Variants in SPPL3 observed in about 807,000 individuals in gnomAD.
SPPL3 encodes the protein signal peptide peptidase like 3.
In SPPL3, 5 loss-of-function variants were observed where a neutral mutation model predicts 42.4. The observed-to-expected ratio is 0.12, with a 90% CI of 0.06 to 0.25. The LOEUF (loss-of-function observed/expected upper bound fraction) is 0.25. Among genes scored for constraint, SPPL3 ranks in the 10% least tolerant of loss-of-function variants. SPPL3 has a pLI of 1.00. For synonymous variants in SPPL3, 195 were observed against 181.8 expected, an observed-to-expected ratio of 1.07 and a Z score of -0.58; for missense variants, 235 against 489.0, an observed-to-expected ratio of 0.48 and a Z score of 4.90.
chr12:120,813,768 C>T (rs573823326), intron 1 of SPPL3, among the ~76,000 whole-genome samples: 16 of 152,230 alleles, frequency 1.1e-4, no homozygotes, highest in African/African-American at 2.9e-4. Flanking sequence ...AGTAACTCAA[C>T]CCATCAGAAA....
At chr12:120,819,371 T>A (rs1356724056) in intron 1 of SPPL3, among the ~76,000 whole-genome samples, 1 of 152,216 alleles carries the variant, frequency 6.6e-6, no homozygotes. Context: ...CCAGATGTTG[T>A]CTCTTTTCAT....
chr12:120,904,290 A>AGGCGGC lies in SPPL3; in HGVS notation c.-429_-424dup, dbSNP rs1329154882. 2 of 159,872 alleles carry AGGCGGC rather than the reference A, an allele frequency of 1.3e-5. No individual in the cohort carries two copies. Among genetic ancestry groups the AGGCGGC allele is most frequent in the Non-Finnish European group, 2.6e-5 (2 of 76,394 alleles). The allele number at this position is 159,872 out of a possible 1,614,324, so 9.9% of individuals were successfully genotyped here. A position where few individuals can be genotyped will look rare whatever the true frequency, so the allele number is the denominator to read the frequency against. ...GCCGGGGGACATGGCCGGCGGGCGGAGGCGGCGGCGACTGAGGGGGGCGCT... is the reference window on the plus strand; with the variant it reads ...GCCGGGGGACATGGCCGGCGGGCGGAGGCGGCGGCGGCGGCGACTGAGGGGGGCGCT... On this transcript the variant is annotated 5_prime_UTR_variant, in exon 1 of 11. Transcript: ENST00000353487.
intron 1 of SPPL3, among the ~76,000 whole-genome samples, chr12:120,872,754 G>A (rs889081130): frequency 5.9e-5 from 9 of 152,120 alleles, no homozygotes; most frequent in South Asian, 4.1e-4. Flanking sequence ...AAAAAAGCAC[G>A]GGGCCTTAGA....
At chr12:120,888,102 G>A (rs984927389) in intron 1 of SPPL3, among the ~76,000 whole-genome samples, 29 of 152,172 alleles carry the variant, frequency 1.9e-4, no homozygotes, top group African/African-American at 6.8e-4. Context: ...TTTAGACAGA[G>A]TCTTGCTCTG....
chr12:120,874,494 A>C (rs938754808), intron 1 of SPPL3, among the ~76,000 whole-genome samples: 2 of 151,944 alleles, frequency 1.3e-5, no homozygotes, highest in Non-Finnish European at 2.9e-5. Flanking sequence ...AAGTGAGTAA[A>C]TGTAAAAGAC....
At chr12:120,852,362 AAATATATGTATATAT>A (rs1872259075) in intron 1 of SPPL3, among the ~76,000 whole-genome samples, 1 of 64,108 alleles carries the variant, frequency 1.6e-5, no homozygotes, top group Admixed American at 1.4e-4. Flanking sequence ...TACATATATG[AAATATATGTATATAT>A]AATATACATA....
At chr12:120,774,422 C>A (rs1278976638) in intron 6 of SPPL3, among the ~76,000 whole-genome samples, 2 of 152,216 alleles carry the variant, frequency 1.3e-5, no homozygotes, top group African/African-American at 4.8e-5. Context: ...ACAACCTCCA[C>A]AGAGTGGAGC....
At chr12:120,775,487 G>T (rs1592956014) in intron 6 of SPPL3, among the ~76,000 whole-genome samples, 1 of 152,168 alleles carries the variant, frequency 6.6e-6, no homozygotes, top group East Asian at 1.9e-4. Context: ...TCAATTGTTA[G>T]ATTTCTGGCC....
intron 1 of SPPL3, among the ~76,000 whole-genome samples, chr12:120,831,883 G>A (rs1871437369): frequency 6.6e-6 from 1 of 152,102 alleles, no homozygotes; most frequent in Non-Finnish European, 1.5e-5. Flanking sequence ...TGTTCTAAAG[G>A]GAGAGCCAGT....
chr12:120,776,987 TTTCA>T (rs1869343278), intron 6 of SPPL3, among the ~76,000 whole-genome samples: 1 of 152,224 alleles, frequency 6.6e-6, no homozygotes, highest in Non-Finnish European at 1.5e-5. Flanking sequence ...CACCTGGTGC[TTTCA>T]TTGTCTCATT....
At chr12:120,826,684 G>C (rs1871240324) in intron 1 of SPPL3, among the ~76,000 whole-genome samples, 1 of 152,104 alleles carries the variant, frequency 6.6e-6, no homozygotes, top group Non-Finnish European at 1.5e-5. Flanking sequence ...TCGTTTTTCA[G>C]AAGTATATAC....
At chr12:120,766,193 G>A (rs1256047413) in intron 10 of SPPL3, 70 bp downstream of exon 10, 14 of 1,278,600 alleles carry the variant, frequency 1.1e-5, no homozygotes, top group Non-Finnish European at 1.4e-5. Context: ...CCTCCAGCGA[G>A]GAGAGTGCAA....
intron 1 of SPPL3, among the ~76,000 whole-genome samples, chr12:120,886,099 T>TTG: frequency 6.7e-6 from 1 of 149,868 alleles, no homozygotes; most frequent in East Asian, 2.0e-4. Flanking sequence ...TGTCTCAGCC[T>TTG]CCCCAAGTGC....
intron 3 of SPPL3, among the ~76,000 whole-genome samples, chr12:120,785,183 G>C (rs1051249969): frequency 7.2e-5 from 11 of 151,968 alleles, no homozygotes; most frequent in African/African-American, 2.7e-4. Flanking sequence ...GTGGAAGGAT[G>C]GCTTGGGACC....
At position 120,903,841 on chromosome 12, in the gene SPPL3, T is replaced by C; in HGVS notation, c.23+4A>G. On this transcript the variant is annotated splice_donor_region_variant and intron_variant, in intron 1 of 10. Coordinates refer to ENST00000353487, the MANE Select transcript of SPPL3 (RefSeq NM_139015.5). Reference sequence around the variant, plus strand: ...CTCCCGGCCTCCCGGAGCCCCGCACTCACCACGAGTAGGTCTGCTCCGCCA... The same window carrying C: ...CTCCCGGCCTCCCGGAGCCCCGCACCCACCACGAGTAGGTCTGCTCCGCCA... 6.9e-7 allele frequency: 1 copy of C among 1,440,950 alleles called. No individual in the cohort carries two copies. The highest frequency in any genetic ancestry group is 1.5e-5 in the African/African-American group (1 of 65,996). The allele number at this position is 1,440,950 out of a possible 1,614,324, so 89.3% of individuals were successfully genotyped here.
chr12:120,902,021 G>A (rs1384926698), intron 1 of SPPL3: 8 of 669,762 alleles, frequency 1.2e-5, no homozygotes, highest in Admixed American at 6.3e-5. Context: ...GCCAGAGTAT[G>A]AGAAGCTCAA....
At chr12:120,841,403 G>A (rs1439383404) in intron 1 of SPPL3, among the ~76,000 whole-genome samples, 2 of 147,802 alleles carry the variant, frequency 1.4e-5, no homozygotes, top group African/African-American at 2.6e-5. Context: ...TTCTTTGCTA[G>A]TGTACTTTTA....
chr12:120,822,650 A>T (rs1871107828), intron 1 of SPPL3, among the ~76,000 whole-genome samples: 1 of 152,176 alleles, frequency 6.6e-6, no homozygotes, highest in African/African-American at 2.4e-5. Flanking sequence ...GGATGATGAA[A>T]AAATTGAAGA....
intron 1 of SPPL3, among the ~76,000 whole-genome samples, chr12:120,826,673 C>A (rs917257931): frequency 6.6e-6 from 1 of 152,106 alleles, no homozygotes; most frequent in African/African-American, 2.4e-5. Context: ...ATTTAATACC[C>A]TCGTTTTTCA....
Sources: gnomAD v4.1 joint callset for allele counts (sites outside exome capture counted in the v4.1 genomes callset) on GRCh38, gnomAD v4.1.1 for gene constraint, MANE v1.5 for transcripts, NCBI Gene and HGNC (gene_info 2026-07-23, HGNC 2026-07-21) for gene names.